Variants in CSMD1 observed in about 807,000 individuals in gnomAD.
The protein encoded by CSMD1 is CUB and sushi domain-containing protein 1.
In CSMD1, 213 loss-of-function variants were observed where a neutral mutation model predicts 417.5. The ratio of observed to expected loss-of-function variants is 0.51; its 90% CI spans 0.46 to 0.57. The LOEUF (loss-of-function observed/expected upper bound fraction) is 0.57. Among genes scored for constraint, CSMD1 ranks in the 20% least tolerant of loss-of-function variants. CSMD1 has a pLI of 0.00. For synonymous variants in CSMD1, 2,862 were observed against 1,736.8 expected (o/e 1.65, Z -16.11); for missense variants, 6,923 against 4,529.7 (o/e 1.53, Z -15.17).
intron 10 of CSMD1, among the ~76,000 whole-genome samples, chr8:3,520,753 C>G (rs1454610169): frequency 6.6e-6 from 1 of 151,996 alleles, no homozygotes; most frequent in African/African-American, 2.4e-5. Context: ...TACAATGACA[C>G]TTGCTTATCA....
intron 1 of CSMD1, among the ~76,000 whole-genome samples, chr8:4,736,560 G>C (rs117343235): frequency 1.3e-4 from 20 of 152,246 alleles, no homozygotes; most frequent in African/African-American, 4.8e-4. Flanking sequence ...CCCCAGGGAA[G>C]GTGAACACTC....
intron 1 of CSMD1, among the ~76,000 whole-genome samples, chr8:4,748,532 A>T (rs1008038897): frequency 2.6e-5 from 4 of 152,188 alleles, no homozygotes; most frequent in African/African-American, 9.7e-5. Flanking sequence ...TGTTCGTGAA[A>T]CGGTATTTAT....
intron 3 of CSMD1, among the ~76,000 whole-genome samples, chr8:4,350,542 G>A (rs1179251464): frequency 6.6e-6 from 1 of 152,136 alleles, no homozygotes; most frequent in Non-Finnish European, 1.5e-5. Flanking sequence ...AGGAATGGAG[G>A]CTAATGTCCT....
chr8:4,189,046 T>C (rs1798860262), intron 3 of CSMD1, among the ~76,000 whole-genome samples: 1 of 152,168 alleles, frequency 6.6e-6, no homozygotes, highest in Non-Finnish European at 1.5e-5. Flanking sequence ...GCCCAGGTTT[T>C]ATTTGTTATA....
intron 10 of CSMD1, among the ~76,000 whole-genome samples, chr8:3,564,995 C>G (rs1306985921): frequency 1.6e-5 from 2 of 126,084 alleles, no homozygotes; most frequent in Non-Finnish European, 3.4e-5. Context: ...GGGCTTAATA[C>G]CTAGGTGATG....
intron 26 of CSMD1, among the ~76,000 whole-genome samples, chr8:3,264,526 C>T (rs1466592744): frequency 6.6e-6 from 1 of 152,158 alleles, no homozygotes; most frequent in Non-Finnish European, 1.5e-5. Flanking sequence ...CACACTGAAT[C>T]ATTTACCACG....
At chr8:3,831,122 A>T (rs1442414939) in intron 5 of CSMD1, among the ~76,000 whole-genome samples, 1 of 152,190 alleles carries the variant, frequency 6.6e-6, no homozygotes, top group African/African-American at 2.4e-5. Flanking sequence ...AAATGTTAAC[A>T]ATATTTCACA....
intron 23 of CSMD1, among the ~76,000 whole-genome samples, chr8:3,332,665 G>A (rs1437066883): frequency 6.6e-6 from 1 of 152,090 alleles, no homozygotes; most frequent in Admixed American, 6.5e-5. Flanking sequence ...AAGTGTGTGT[G>A]GGAGTGCGTG....
At chr8:3,894,928 T>G (rs911256268) in intron 5 of CSMD1, among the ~76,000 whole-genome samples, 3 of 152,176 alleles carry the variant, frequency 2.0e-5, no homozygotes, top group African/African-American at 7.2e-5. Flanking sequence ...CACTGTACCA[T>G]ACAGATGACA....
chr8:4,554,597 A>C (rs1798009785), intron 2 of CSMD1, among the ~76,000 whole-genome samples: 1 of 152,212 alleles, frequency 6.6e-6, no homozygotes, highest in African/African-American at 2.4e-5. Flanking sequence ...TAAATATCAT[A>C]CACCGTTCTC....
chr8:4,403,919 C>G (rs1381346943), intron 3 of CSMD1, among the ~76,000 whole-genome samples: 5 of 152,192 alleles, frequency 3.3e-5, no homozygotes, highest in Non-Finnish European at 7.3e-5. Flanking sequence ...CGCATTAACT[C>G]CAATCTTCGC....
intron 7 of CSMD1, among the ~76,000 whole-genome samples, chr8:3,659,221 G>A (rs7838402): frequency 6.6e-6 from 1 of 152,286 alleles, no homozygotes; most frequent in South Asian, 2.1e-4. Flanking sequence ...AGCCCAGGGA[G>A]GTGAAATTGT....
At chr8:4,746,199 A>T (rs1204227120) in intron 1 of CSMD1, among the ~76,000 whole-genome samples, 1 of 152,036 alleles carries the variant, frequency 6.6e-6, no homozygotes, top group Non-Finnish European at 1.5e-5. Context: ...TCCGCCCTAA[A>T]ACCCCCTTTT....
chr8:3,835,945 G>C (rs1458213996), intron 5 of CSMD1, among the ~76,000 whole-genome samples: 1 of 151,872 alleles, frequency 6.6e-6, no homozygotes, highest in Non-Finnish European at 1.5e-5. Context: ...ATGGGTCCAG[G>C]AATAGAACTT....
intron 3 of CSMD1, among the ~76,000 whole-genome samples, chr8:4,380,017 A>C (rs1803000431): frequency 6.6e-6 from 1 of 152,216 alleles, no homozygotes; most frequent in South Asian, 2.1e-4. Flanking sequence ...GCTGAAACTC[A>C]ATGTGGGTAG....
At chr8:3,698,481 T>C (rs1351500326) in intron 7 of CSMD1, among the ~76,000 whole-genome samples, 3 of 152,240 alleles carry the variant, frequency 2.0e-5, no homozygotes, top group Non-Finnish European at 4.4e-5. Flanking sequence ...AAATCTGCTT[T>C]AAAGCAAGAC....
At chr8:4,987,548 C>T (rs1172371700) in intron 1 of CSMD1, among the ~76,000 whole-genome samples, 1 of 151,954 alleles carries the variant, frequency 6.6e-6, no homozygotes, top group East Asian at 1.9e-4. Flanking sequence ...GTTGAAGCTC[C>T]CCAAAATATA....
At chr8:4,742,339 T>C (rs963529986) in intron 1 of CSMD1, among the ~76,000 whole-genome samples, 10 of 151,968 alleles carry the variant, frequency 6.6e-5, no homozygotes, top group Admixed American at 6.6e-4. Context: ...CAAGGCTGAA[T>C]TTTGAGAAGC....
At chr8:4,712,128 G>A (rs981123329) in intron 1 of CSMD1, among the ~76,000 whole-genome samples, 1 of 152,206 alleles carries the variant, frequency 6.6e-6, no homozygotes, top group African/African-American at 2.4e-5. Flanking sequence ...GACTGACCGT[G>A]GTTGAAGCTG....
Sources: gnomAD v4.1 joint callset for allele counts (sites outside exome capture counted in the v4.1 genomes callset) on GRCh38, gnomAD v4.1.1 for gene constraint, MANE v1.5 for transcripts, NCBI Gene and HGNC (gene_info 2026-07-23, HGNC 2026-07-21) for gene names.